Variants in CNBD1 observed in about 807,000 individuals in gnomAD.
CNBD1 encodes cyclic nucleotide-binding domain-containing protein 1.
In CNBD1, 71 loss-of-function variants were observed where a neutral mutation model predicts 54.4. That is an observed-to-expected ratio of 1.30 (90% CI 1.08 to 1.59). The LOEUF (loss-of-function observed/expected upper bound fraction) is 1.59, where lower values mean the gene tolerates loss of function less well. CNBD1 is among the 40% of genes most tolerant of loss of function. The pLI is 0.00. For missense variants in CNBD1, 659 were observed against 518.0 expected, an observed-to-expected ratio of 1.27 and a Z score of -2.64; for synonymous variants, 182 against 170.7, an observed-to-expected ratio of 1.07 and a Z score of -0.51.
intron 4 of CNBD1, among the ~76,000 whole-genome samples, chr8:87,018,899 G>A (rs1809424760): frequency 6.6e-6 from 1 of 152,228 alleles, no homozygotes; most frequent in African/African-American, 2.4e-5. Flanking sequence ...TAAACCGCTG[G>A]TAAAACAATT....
chr8:87,381,783 G>T (rs1391215206), intron 10 of CNBD1, among the ~76,000 whole-genome samples: 2 of 151,796 alleles, frequency 1.3e-5, no homozygotes, highest in Non-Finnish European at 2.9e-5. Flanking sequence ...ACTCATACGA[G>T]GTATCTAAAA....
intron 2 of CNBD1, among the ~76,000 whole-genome samples, chr8:87,411,938 G>A (rs1807753349): frequency 6.6e-6 from 1 of 151,910 alleles, no homozygotes; most frequent in Admixed American, 6.6e-5. Flanking sequence ...GCTTGTACGG[G>A]AGAAGTGTTT....
intron 10 of CNBD1, among the ~76,000 whole-genome samples, chr8:87,370,108 T>C (rs1810743448): frequency 6.6e-6 from 1 of 151,966 alleles, no homozygotes; most frequent in Non-Finnish European, 1.5e-5. Flanking sequence ...GTGCCACATT[T>C]TCTTAATCCA....
chr8:87,356,606 A>G (rs1810424805), intron 10 of CNBD1, among the ~76,000 whole-genome samples: 2 of 152,224 alleles, frequency 1.3e-5, no homozygotes, highest in South Asian at 2.1e-4. Context: ...GTACAATCAT[A>G]TATGAGCATA....
intron 4 of CNBD1, among the ~76,000 whole-genome samples, chr8:87,201,577 A>G (rs998207281): frequency 3.3e-5 from 5 of 152,150 alleles, no homozygotes; most frequent in Admixed American, 1.3e-4. Flanking sequence ...CACACCATCA[A>G]TGAAAAATCC....
At chr8:86,967,691 C>T (rs1808117431) in intron 4 of CNBD1, among the ~76,000 whole-genome samples, 1 of 152,042 alleles carries the variant, frequency 6.6e-6, no homozygotes, top group Admixed American at 6.6e-5. Flanking sequence ...TGCATGTTGC[C>T]TACTCTTTTT....
chr8:87,387,973 A>G (rs146140275), intron 2 of CNBD1, among the ~76,000 whole-genome samples: 56,763 of 152,028 alleles, frequency 0.37, 10,912 homozygotes, highest in Middle Eastern at 0.45. Flanking sequence ...GCTCAACTAC[A>G]TGGAAACTGA....
chr8:87,193,688 C>G (rs1257241778), intron 4 of CNBD1, among the ~76,000 whole-genome samples: 1 of 151,948 alleles, frequency 6.6e-6, no homozygotes, highest in Non-Finnish European at 1.5e-5. Flanking sequence ...TAATTTTTTT[C>G]TTTTATATTT....
chr8:87,414,154 A>G (rs1807798505), intron 2 of CNBD1, among the ~76,000 whole-genome samples: 1 of 152,054 alleles, frequency 6.6e-6, no homozygotes, highest in Admixed American at 6.6e-5. Flanking sequence ...TGGATTAAGA[A>G]AATGTGGCAC....
chr8:87,262,843 G>A (rs1808170814), intron 6 of CNBD1, among the ~76,000 whole-genome samples: 1 of 152,128 alleles, frequency 6.6e-6, no homozygotes, highest in Admixed American at 6.6e-5. Context: ...TTTATAGACA[G>A]TTTTAACATC....
intron 4 of CNBD1, among the ~76,000 whole-genome samples, chr8:87,040,371 T>C (rs114693724): frequency 0.029 from 4,396 of 152,234 alleles, 203 homozygotes; most frequent in African/African-American, 0.1. Flanking sequence ...GGTGAATTCA[T>C]GTGTATTTAC....
At chr8:86,952,665 G>A (rs1807654836) in intron 4 of CNBD1, among the ~76,000 whole-genome samples, 1 of 151,770 alleles carries the variant, frequency 6.6e-6, no homozygotes, top group South Asian at 2.1e-4. Flanking sequence ...TAATAAAAAT[G>A]TATATTTTAA....
At chr8:87,336,805 A>C (rs900869595) in intron 8 of CNBD1, among the ~76,000 whole-genome samples, 1 of 151,848 alleles carries the variant, frequency 6.6e-6, no homozygotes, top group African/African-American at 2.4e-5. Context: ...GTGTTTTTTC[A>C]TTGATTCTTT....
chr8:86,879,555 C>A (rs548037708), intron 1 of CNBD1, among the ~76,000 whole-genome samples: 23 of 152,128 alleles, frequency 1.5e-4, no homozygotes, highest in African/African-American at 5.1e-4. Flanking sequence ...CATGGAGCAC[C>A]CAGAACATGC....
rs544214780 is a variant in CNBD1, at chr8:87,366,310, A to G, written c.1303+12524A>G. Among the ~76,000 whole-genome samples, 590 of 152,186 alleles carry G rather than the reference A, an allele frequency of 3.9e-3. 8 individuals are homozygous for G. Among genetic ancestry groups the G allele is most frequent in the African/African-American group, 0.013 (556 of 41,560 alleles). ...CACCTCCAAGTCCATTCAAATTGGT[A>G]GATTTCATTTCCTTGCAGCTGCAGA... On this transcript the variant is annotated intron_variant, in intron 10 of 10. Coordinates refer to ENST00000518476, the MANE Select transcript of CNBD1 (RefSeq NM_173538.3).
At chr8:87,251,570 A>G (rs1397799782) in intron 6 of CNBD1, among the ~76,000 whole-genome samples, 1 of 149,832 alleles carries the variant, frequency 6.7e-6, no homozygotes, top group Non-Finnish European at 1.5e-5. Flanking sequence ...CCTGTACAAC[A>G]AGAGCGAAAC....
At chr8:87,086,123 A>G (rs1811091229) in intron 4 of CNBD1, among the ~76,000 whole-genome samples, 1 of 152,064 alleles carries the variant, frequency 6.6e-6, no homozygotes, top group South Asian at 2.1e-4. Context: ...GAGTTTGTGA[A>G]TGGGTTTGAA....
intron 4 of CNBD1, among the ~76,000 whole-genome samples, chr8:87,195,069 G>A (rs1288742004): frequency 4.0e-5 from 6 of 151,730 alleles, no homozygotes. Context: ...ATTTTTAGTA[G>A]AGACAGGGTT....
intron 5 of CNBD1, among the ~76,000 whole-genome samples, chr8:87,218,162 G>A (rs945211378): frequency 1.3e-5 from 2 of 152,052 alleles, no homozygotes; most frequent in African/African-American, 4.8e-5. Context: ...TGGCAGGGCT[G>A]ACTCTAACAC....
Sources: allele counts gnomAD v4.1 joint callset (sites outside exome capture counted in the v4.1 genomes callset), GRCh38; gene constraint gnomAD v4.1.1; transcripts MANE v1.5; gene names NCBI Gene and HGNC (gene_info 2026-07-23, HGNC 2026-07-21).